Variants in PRKCE observed in about 807,000 individuals in gnomAD.
PRKCE encodes the protein protein kinase C epsilon type.
PRKCE carries 16 observed loss-of-function variants against 85.4 expected under a neutral mutation model. The observed-to-expected ratio is 0.19, with a 90% CI of 0.13 to 0.28. The LOEUF (loss-of-function observed/expected upper bound fraction) is 0.28, where lower values mean the gene tolerates loss of function less well. Among genes scored for constraint, PRKCE ranks in the 10% least tolerant of loss-of-function variants. The pLI is 1.00. For synonymous variants in PRKCE, 388 were observed against 371.5 expected (o/e 1.04, Z -0.51); for missense variants, 573 against 975.2 (o/e 0.59, Z 5.49).
intron 5 of PRKCE, among the ~76,000 whole-genome samples, chr2:45,981,649 C>T (rs968145834): frequency 5.3e-5 from 8 of 152,200 alleles, no homozygotes; most frequent in Admixed American, 5.2e-4. Context: ...AGGATCATGA[C>T]CCCAGTACAT....
At chr2:45,702,484 G>A (rs910524058) in intron 1 of PRKCE, among the ~76,000 whole-genome samples, 1 of 152,130 alleles carries the variant, frequency 6.6e-6, no homozygotes, top group Non-Finnish European at 1.5e-5. Context: ...GAAGGCGCTC[G>A]GTCAGCATGG....
chr2:45,785,198 A>G (rs1686499522), intron 1 of PRKCE, among the ~76,000 whole-genome samples: 3 of 152,246 alleles, frequency 2.0e-5, no homozygotes, highest in Admixed American at 2.0e-4. Flanking sequence ...AAATTATTTA[A>G]GAAAAAAAGA....
At chr2:46,120,551 A>G (rs1212273931) in intron 11 of PRKCE, among the ~76,000 whole-genome samples, 2 of 152,154 alleles carry the variant, frequency 1.3e-5, no homozygotes, top group African/African-American at 4.8e-5. Flanking sequence ...TTTGGCTAGT[A>G]AGATTTATAC....
chr2:45,829,025 AG>A (rs1482497774), intron 1 of PRKCE, among the ~76,000 whole-genome samples: 2 of 2,990 alleles, frequency 6.7e-4, no homozygotes, highest in African/African-American at 5.0e-3. Context: ...TAATTCAACA[AG>A]TTTTTTTTTT....
chr2:45,690,405 G>C (rs1677637625), intron 1 of PRKCE, among the ~76,000 whole-genome samples: 1 of 152,186 alleles, frequency 6.6e-6, no homozygotes, highest in African/African-American at 2.4e-5. Context: ...CAAAGCAGGG[G>C]CTGAAAACAC....
chr2:45,956,002 G>A (rs971571367), intron 2 of PRKCE, among the ~76,000 whole-genome samples: 16 of 152,144 alleles, frequency 1.1e-4, no homozygotes, highest in Non-Finnish European at 1.6e-4. Context: ...TAACCGCTGC[G>A]GTCTTTTCAG....
intron 1 of PRKCE, among the ~76,000 whole-genome samples, chr2:45,717,013 C>T (rs954022299): frequency 6.7e-5 from 10 of 149,566 alleles, no homozygotes; most frequent in Admixed American, 4.7e-4. Context: ...TGGGTCCTTC[C>T]CACCACATGT....
intron 6 of PRKCE, chr2:46,000,962 C>G (rs1704631086): frequency 6.6e-6 from 1 of 152,198 alleles, no homozygotes; most frequent in Non-Finnish European, 1.5e-5. Context: ...TGGAGTGCTG[C>G]TGACTTCTAA....
chr2:45,906,605 G>A (rs775435418), intron 2 of PRKCE, among the ~76,000 whole-genome samples: 87 of 152,220 alleles, frequency 5.7e-4, no homozygotes, highest in Middle Eastern at 3.4e-3. Flanking sequence ...TTCCAGGGCC[G>A]TCCTTTGATC....
chr2:45,876,679 G>T (rs1036382551), intron 2 of PRKCE, among the ~76,000 whole-genome samples: 3 of 152,194 alleles, frequency 2.0e-5, no homozygotes. Context: ...CGCCTTTGCA[G>T]TCACTCTCTC....
intron 9 of PRKCE, among the ~76,000 whole-genome samples, chr2:46,007,945 C>T (rs1321582678): frequency 6.6e-6 from 1 of 152,188 alleles, no homozygotes; most frequent in African/African-American, 2.4e-5. Flanking sequence ...GATGAGAAAG[C>T]ACTTTGGAAA....
chr2:45,764,815 A>G (rs1684782789), intron 1 of PRKCE, among the ~76,000 whole-genome samples: 1 of 152,200 alleles, frequency 6.6e-6, no homozygotes. Flanking sequence ...TAGACTATAT[A>G]TATATTTTAA....
chr2:45,976,723 C>G (rs371218123), intron 3 of PRKCE, 135 bp downstream of exon 3: 2 of 1,095,982 alleles, frequency 1.8e-6, no homozygotes, highest in Non-Finnish European at 2.6e-6. Flanking sequence ...ATGCAGGGGA[C>G]TATTATGGAA....
At chr2:45,796,417 C>T (rs1687439219) in intron 1 of PRKCE, among the ~76,000 whole-genome samples, 1 of 152,184 alleles carries the variant, frequency 6.6e-6, no homozygotes, top group African/African-American at 2.4e-5. Flanking sequence ...AATTAATATA[C>T]ATTATGAGAA....
At chr2:46,095,278 C>T (rs950646496) in intron 11 of PRKCE, among the ~76,000 whole-genome samples, 10 of 152,162 alleles carry the variant, frequency 6.6e-5, no homozygotes, top group African/African-American at 1.2e-4. Context: ...TAAAGGGAGA[C>T]GGCCTGGTGG....
chr2:45,976,380 G>A (rs752847172), intron 2 of PRKCE, 49 bp from the exon 3 acceptor site: 21 of 1,573,472 alleles, frequency 1.3e-5, no homozygotes, highest in Non-Finnish European at 1.8e-5. Context: ...CATTTTGAAG[G>A]TGCACTAACC....
At chr2:45,909,381 A>G (rs1267991439) in intron 2 of PRKCE, among the ~76,000 whole-genome samples, 1 of 152,008 alleles carries the variant, frequency 6.6e-6, no homozygotes, top group Non-Finnish European at 1.5e-5. Flanking sequence ...TAACAATTCA[A>G]CAGACTTGCC....
At chr2:45,863,283 A>G (rs527792257) in intron 2 of PRKCE, among the ~76,000 whole-genome samples, 3 of 152,134 alleles carry the variant, frequency 2.0e-5, no homozygotes, top group East Asian at 3.9e-4. Flanking sequence ...TGTTGCCTAT[A>G]TAATGTAGCC....
chr2:46,024,416 C>T (rs1048020952), intron 10 of PRKCE, among the ~76,000 whole-genome samples: 1 of 151,600 alleles, frequency 6.6e-6, no homozygotes, highest in Admixed American at 6.6e-5. Context: ...CAGGAAGGAT[C>T]ATGGGCAAAA....
Sources: gnomAD v4.1 joint callset for allele counts (sites outside exome capture counted in the v4.1 genomes callset) on GRCh38, gnomAD v4.1.1 for gene constraint, MANE v1.5 for transcripts, NCBI Gene and HGNC (gene_info 2026-07-23, HGNC 2026-07-21) for gene names.